Variants in PREX2 observed in about 807,000 individuals in gnomAD.
PREX2 encodes the protein phosphatidylinositol 3,4,5-trisphosphate-dependent Rac exchanger 2 protein.
PREX2 carries 107 observed loss-of-function variants against 203.2 expected under a neutral mutation model. The ratio of observed to expected loss-of-function variants is 0.53; its 90% confidence interval spans 0.45 to 0.62. The LOEUF is 0.62. PREX2 is among the 20% of genes least tolerant of loss of function. The pLI, the probability that PREX2 is intolerant of heterozygous loss-of-function variation, is 0.00. For missense variants in PREX2, 1,777 were observed against 1,955.9 expected (o/e 0.91, Z 1.72); for synonymous variants, 672 against 663.6 (o/e 1.01, Z -0.19).
intron 38 of PREX2, among the ~76,000 whole-genome samples, chr8:68,219,567 A>T (rs141158770): frequency 6.6e-6 from 1 of 152,254 alleles, no homozygotes; most frequent in Non-Finnish European, 1.5e-5. Flanking sequence ...TGGAATAGGT[A>T]GCTTTCTTCC....
intron 31 of PREX2, among the ~76,000 whole-genome samples, chr8:68,128,612 G>A (rs932850426): frequency 6.6e-6 from 1 of 152,110 alleles, no homozygotes; most frequent in Non-Finnish European, 1.5e-5. Context: ...TGGACTGCCT[G>A]TCTCTCATCA....
At chr8:68,134,038 C>G (rs1811060468) in intron 31 of PREX2, 21 bp from the exon 32 acceptor site, 2 of 1,602,210 alleles carry the variant, frequency 1.2e-6, no homozygotes, top group Non-Finnish European at 1.7e-6. Flanking sequence ...GAAGCATTCT[C>G]TATGTTCTCT....
At chr8:68,210,583 AC>A (rs1364585939) in intron 37 of PREX2, among the ~76,000 whole-genome samples, 1 of 152,134 alleles carries the variant, frequency 6.6e-6, no homozygotes, top group African/African-American at 2.4e-5. Flanking sequence ...TTACTGAATC[AC>A]CCTTGTGGCC....
intron 7 of PREX2, among the ~76,000 whole-genome samples, chr8:68,040,884 C>T (rs1808176028): frequency 2.0e-5 from 3 of 152,134 alleles, no homozygotes; most frequent in African/African-American, 7.2e-5. Context: ...GCTTAGCCAT[C>T]ATTAATGTAA....
intron 35 of PREX2, among the ~76,000 whole-genome samples, chr8:68,187,807 TTTG>T (rs1370720041): frequency 6.6e-6 from 1 of 152,068 alleles, no homozygotes; most frequent in Admixed American, 6.6e-5. Flanking sequence ...TCAAAAACAG[TTTG>T]TTATCTCTGT....
At chr8:68,224,280 G>A (rs1370708801) in intron 38 of PREX2, among the ~76,000 whole-genome samples, 8 of 152,108 alleles carry the variant, frequency 5.3e-5, no homozygotes, top group Non-Finnish European at 8.8e-5. Context: ...GCCCCTCAAA[G>A]TACTGGAATT....
intron 15 of PREX2, 32 bp from the exon 16 acceptor site, chr8:68,080,411 C>G: frequency 1.2e-6 from 2 of 1,600,228 alleles, no homozygotes; most frequent in South Asian, 2.3e-5. Flanking sequence ...TTTGAATTAG[C>G]TGAAATAATT....
chr8:68,020,333 CAAAAAAAAA>C (rs67292795), intron 3 of PREX2, among the ~76,000 whole-genome samples: 1 of 106,114 alleles, frequency 9.4e-6, no homozygotes, highest in African/African-American at 3.2e-5. Flanking sequence ...GCATTCACAC[CAAAAAAAAA>C]AAAAAAAAAA....
At chr8:68,088,237 C>A (rs1809762175) in intron 19 of PREX2, among the ~76,000 whole-genome samples, 1 of 152,094 alleles carries the variant, frequency 6.6e-6, no homozygotes, top group Non-Finnish European at 1.5e-5. Context: ...GTGGTTAAAT[C>A]CCATCATAAG....
At chr8:68,202,687 G>A (rs1314584558) in intron 37 of PREX2, among the ~76,000 whole-genome samples, 1 of 152,126 alleles carries the variant, frequency 6.6e-6, no homozygotes, top group Non-Finnish European at 1.5e-5. Context: ...GAATAGGGGA[G>A]AGGTAGAATG....
rs1167678993 is a variant in PREX2 at position 68,062,990 on chromosome 8, A to G, written c.1339+2211A>G. ...TGAATGAATAATTATATTTTGAGTG[A>G]ACAGATGATACTTATAAATTGTATA... On this transcript the variant is annotated intron_variant, in intron 11 of 39. Transcript: ENST00000288368. 1.3e-5 allele frequency among the ~76,000 whole-genome samples: 2 copies of G among 152,204 alleles called. 1 individual carries two copies.
intron 23 of PREX2, among the ~76,000 whole-genome samples, chr8:68,106,554 T>C (rs1810417372): frequency 6.6e-6 from 1 of 152,206 alleles, no homozygotes; most frequent in Non-Finnish European, 1.5e-5. Context: ...GACATGTGAA[T>C]TGAAGACATA....
intron 37 of PREX2, among the ~76,000 whole-genome samples, chr8:68,203,377 T>G (rs1417483358): frequency 1.3e-5 from 2 of 152,180 alleles, no homozygotes; most frequent in African/African-American, 4.8e-5. Context: ...TGAATTAATC[T>G]GTTACACTGT....
chr8:68,089,460 A>G (rs1809801804), intron 19 of PREX2, among the ~76,000 whole-genome samples: 1 of 152,160 alleles, frequency 6.6e-6, no homozygotes, highest in Admixed American at 6.5e-5. Context: ...CAAAGACTTC[A>G]CAGTTGGCTC....
At chr8:68,020,153 G>A (rs902827157) in intron 3 of PREX2, among the ~76,000 whole-genome samples, 1 of 152,082 alleles carries the variant, frequency 6.6e-6, no homozygotes, top group Non-Finnish European at 1.5e-5. Flanking sequence ...AGATTGTACT[G>A]AGCAGTGCAG....
chr8:68,214,249 AGTTGGCTGCATGT>A (rs1454358088), intron 37 of PREX2, among the ~76,000 whole-genome samples: 2 of 152,096 alleles, frequency 1.3e-5, no homozygotes, highest in East Asian at 3.9e-4. Flanking sequence ...AAAATACAAA[AGTTGGCTGCATGT>A]GGTGGTGTAT....
At chr8:68,105,492 A>G (rs531500107) in intron 23 of PREX2, 1 of 1,161,254 alleles carries the variant, frequency 8.6e-7, no homozygotes, top group Non-Finnish European at 1.1e-6. Context: ...CAGTCCCCCT[A>G]GCAAGAGAAT....
chr8:68,108,413 T>C (rs1810462879), intron 24 of PREX2, 82 bp downstream of exon 24: 1 of 902,152 alleles, frequency 1.1e-6, no homozygotes, highest in Non-Finnish European at 1.7e-6. Context: ...TGAAATTCAA[T>C]AGATACCTGG....
At chr8:68,014,438 C>G (rs1169039034) in intron 1 of PREX2, among the ~76,000 whole-genome samples, 2 of 151,876 alleles carry the variant, frequency 1.3e-5, no homozygotes, top group African/African-American at 2.4e-5. Context: ...CTGAAAGATC[C>G]TCGGGGTGCG....
Sources: allele counts gnomAD v4.1 joint callset (sites outside exome capture counted in the v4.1 genomes callset), GRCh38; gene constraint gnomAD v4.1.1; transcripts MANE v1.5; gene names NCBI Gene and HGNC (gene_info 2026-07-23, HGNC 2026-07-21).